Variants in NECAB1 observed in about 807,000 individuals in gnomAD.
NECAB1 encodes N-terminal EF-hand calcium-binding protein 1.
A neutral mutation model predicts 57.5 loss-of-function variants in NECAB1; 29 were observed. The ratio of observed to expected loss-of-function variants is 0.50; its 90% CI spans 0.38 to 0.69. NECAB1 has a LOEUF of 0.69. Among genes scored for constraint, NECAB1 ranks in the 30% least tolerant of loss-of-function variants. The probability of loss-of-function intolerance (pLI) is 0.00; values close to 1 mark genes in which losing one functional copy is unlikely to be tolerated. For missense variants in NECAB1, 372 were observed against 413.8 expected (o/e 0.90, Z 0.88); for synonymous variants, 142 against 147.7 (o/e 0.96, Z 0.28).
At chr8:90,868,215 T>C (rs1808556201) in intron 3 of NECAB1, among the ~76,000 whole-genome samples, 1 of 152,212 alleles carries the variant, frequency 6.6e-6, no homozygotes, top group Non-Finnish European at 1.5e-5. Flanking sequence ...ATTAAATCTG[T>C]TTTCTTTATA....
chr8:90,915,115 T>C (rs1809920416), intron 5 of NECAB1, among the ~76,000 whole-genome samples: 1 of 152,210 alleles, frequency 6.6e-6, no homozygotes. Context: ...TATAAAACTT[T>C]TTATCATTTG....
chr8:90,862,814 T>C (rs939929661), intron 3 of NECAB1, among the ~76,000 whole-genome samples: 1 of 152,176 alleles, frequency 6.6e-6, no homozygotes, highest in African/African-American at 2.4e-5. Flanking sequence ...ATTTCCCTTA[T>C]TTTCCCATCT....
intron 3 of NECAB1, among the ~76,000 whole-genome samples, chr8:90,843,784 T>C (rs1258126580): frequency 6.6e-6 from 1 of 152,250 alleles, no homozygotes; most frequent in Non-Finnish European, 1.5e-5. Context: ...CTTGTATTTT[T>C]AGATCACTGA....
chr8:90,872,246 G>A, intron 4 of NECAB1, 93 bp downstream of exon 4: 2 of 1,006,606 alleles, frequency 2.0e-6, no homozygotes, highest in South Asian at 1.7e-5. Context: ...AATTAATGTT[G>A]TATATTAGGA....
intron 3 of NECAB1, among the ~76,000 whole-genome samples, chr8:90,848,991 C>T (rs1812625747): frequency 6.6e-6 from 1 of 152,154 alleles, no homozygotes; most frequent in Non-Finnish European, 1.5e-5. Flanking sequence ...GAGACGTATT[C>T]ACTACCACAA....
At chr8:90,863,247 A>G (rs1481702770) in intron 3 of NECAB1, among the ~76,000 whole-genome samples, 4 of 152,138 alleles carry the variant, frequency 2.6e-5, no homozygotes, top group Non-Finnish European at 5.9e-5. Flanking sequence ...AAGCAAACCA[A>G]TATTTGAAAT....
At chr8:90,918,424 T>C (rs1461300992) in intron 6 of NECAB1, among the ~76,000 whole-genome samples, 2 of 151,968 alleles carry the variant, frequency 1.3e-5, no homozygotes, top group Non-Finnish European at 2.9e-5. Context: ...CCTAAGTCTA[T>C]CATATAAATA....
intron 3 of NECAB1, among the ~76,000 whole-genome samples, chr8:90,843,863 T>C (rs1270557562): frequency 6.6e-6 from 1 of 152,224 alleles, no homozygotes; most frequent in Non-Finnish European, 1.5e-5. Flanking sequence ...ATTCTTCATC[T>C]TGCATTTGAG....
intron 5 of NECAB1, among the ~76,000 whole-genome samples, chr8:90,886,217 C>A (rs1379299915): frequency 6.6e-6 from 1 of 151,500 alleles, no homozygotes; most frequent in African/African-American, 2.4e-5. Context: ...GAGAAGTAAG[C>A]AAAAATATTG....
chr8:90,811,016 C>T (rs1489406881), intron 2 of NECAB1, among the ~76,000 whole-genome samples: 1 of 151,272 alleles, frequency 6.6e-6, no homozygotes, highest in African/African-American at 2.4e-5. Context: ...GGTGCAATCT[C>T]GGCTCACCGC....
At chr8:90,892,243 G>T (rs529125269) in intron 5 of NECAB1, among the ~76,000 whole-genome samples, 3 of 150,026 alleles carry the variant, frequency 2.0e-5, no homozygotes, top group South Asian at 4.2e-4. Context: ...TAAAATTGAG[G>T]TGGGTGAGGG....
intron 4 of NECAB1, among the ~76,000 whole-genome samples, chr8:90,875,638 C>T (rs1190642051): frequency 1.3e-5 from 2 of 151,054 alleles, no homozygotes; most frequent in Non-Finnish European, 2.9e-5. Flanking sequence ...AGTGTAATTT[C>T]TCATCTAGTC....
intron 1 of NECAB1, among the ~76,000 whole-genome samples, chr8:90,793,299 G>A (rs1811607213): frequency 6.6e-6 from 1 of 152,184 alleles, no homozygotes; most frequent in Admixed American, 6.5e-5. Context: ...TGATAGAAGT[G>A]AGGTTCAACT....
At chr8:90,947,904 AT>A (rs1190485637) in intron 10 of NECAB1, among the ~76,000 whole-genome samples, 3 of 152,204 alleles carry the variant, frequency 2.0e-5, no homozygotes, top group Non-Finnish European at 2.9e-5. Flanking sequence ...TTATGCTAAA[AT>A]TTTATGAATT....
intron 3 of NECAB1, among the ~76,000 whole-genome samples, chr8:90,825,278 T>C (rs922877961): frequency 2.0e-5 from 3 of 151,886 alleles, no homozygotes; most frequent in African/African-American, 7.2e-5. Context: ...CACTGTTACC[T>C]GAGGACATAA....
chr8:90,804,295 C>A (rs558248503), intron 2 of NECAB1, among the ~76,000 whole-genome samples: 46 of 151,968 alleles, frequency 3.0e-4, no homozygotes, highest in Non-Finnish European at 4.7e-4. Context: ...ACCTCTTATA[C>A]ATCTATATCG....
chr8:90,849,114 A>G (rs558572990), intron 3 of NECAB1, among the ~76,000 whole-genome samples: 2 of 152,298 alleles, frequency 1.3e-5, no homozygotes, highest in South Asian at 4.1e-4. Flanking sequence ...TTGGATGGGG[A>G]CACAGCTAAA....
intron 2 of NECAB1, among the ~76,000 whole-genome samples, chr8:90,803,484 T>A (rs934750447): frequency 2.0e-5 from 3 of 152,176 alleles, no homozygotes; most frequent in African/African-American, 7.2e-5. Context: ...TTTCTCTTCT[T>A]TCCATCAAAA....
intron 5 of NECAB1, among the ~76,000 whole-genome samples, chr8:90,901,364 G>A (rs1464716216): frequency 6.6e-6 from 1 of 152,044 alleles, no homozygotes; most frequent in African/African-American, 2.4e-5. Flanking sequence ...TTCCAGCGGT[G>A]CCCTCAAGGG....
Sources: gnomAD v4.1 joint callset for allele counts (sites outside exome capture counted in the v4.1 genomes callset) on GRCh38, gnomAD v4.1.1 for gene constraint, MANE v1.5 for transcripts, NCBI Gene and HGNC (gene_info 2026-07-23, HGNC 2026-07-21) for gene names.